TSHZ3: variants seen among roughly 807,000 people sequenced by gnomAD.
The protein encoded by TSHZ3 is teashirt homolog 3.
Under a neutral mutation model 64.5 loss-of-function variants are expected in TSHZ3, and 10 were observed. The observed-to-expected ratio is 0.16, with a 90% CI of 0.10 to 0.26. The LOEUF is 0.26. Among genes scored for constraint, TSHZ3 ranks in the 10% least tolerant of loss-of-function variants. The pLI is 1.00. For synonymous variants in TSHZ3, 608 were observed against 593.1 expected (o/e 1.03, Z -0.36); for missense variants, 1,242 against 1,421.7 (o/e 0.87, Z 2.03).
intron 5 of TSHZ3, among the ~76,000 whole-genome samples, chr19:31,199,114 A>C (rs986505383): frequency 2.0e-5 from 3 of 152,126 alleles, no homozygotes; most frequent in African/African-American, 7.2e-5. Context: ...ACCTATAAGA[A>C]TATAGTCAGG....
At chr19:31,164,234 G>A (rs1252539693) in intron 5 of TSHZ3, among the ~76,000 whole-genome samples, 1 of 152,076 alleles carries the variant, frequency 6.6e-6, no homozygotes, top group African/African-American at 2.4e-5. Flanking sequence ...CCAGAACATC[G>A]CACTATTGCC....
chr19:31,344,216 C>G (rs985740657), intron 1 of TSHZ3, among the ~76,000 whole-genome samples: 8 of 152,098 alleles, frequency 5.3e-5, no homozygotes, highest in African/African-American at 1.9e-4. Context: ...GAGTGAACAC[C>G]TGCAAGGGTT....
chr19:31,173,143 G>A (rs1187318210), intron 5 of TSHZ3, among the ~76,000 whole-genome samples: 3 of 152,198 alleles, frequency 2.0e-5, no homozygotes, highest in Non-Finnish European at 4.4e-5. Context: ...TTGGGATGGG[G>A]CACACATAGC....
At chr19:31,337,220 A>C (rs1463583944) in intron 1 of TSHZ3, among the ~76,000 whole-genome samples, 1 of 152,108 alleles carries the variant, frequency 6.6e-6, no homozygotes, top group Non-Finnish European at 1.5e-5. Context: ...CCCGGGTGTG[A>C]TGGATGAGCC....
At chr19:31,157,605 T>C (rs1478996599) in intron 5 of TSHZ3, among the ~76,000 whole-genome samples, 1 of 152,174 alleles carries the variant, frequency 6.6e-6, no homozygotes, top group Non-Finnish European at 1.5e-5. Flanking sequence ...GATTATAACA[T>C]AAAATGCCAT....
At chr19:31,246,332 A>G (rs1295328079) in intron 1 of TSHZ3, among the ~76,000 whole-genome samples, 2 of 152,240 alleles carry the variant, frequency 1.3e-5, no homozygotes, top group East Asian at 3.8e-4. Flanking sequence ...TCTTACCTGT[A>G]TTTAAAATCA....
At chr19:31,185,002 G>A (rs1250388364) in intron 5 of TSHZ3, among the ~76,000 whole-genome samples, 1 of 152,056 alleles carries the variant, frequency 6.6e-6, no homozygotes, top group Non-Finnish European at 1.5e-5. Flanking sequence ...AGAGCAGGGT[G>A]AGCCTCAGAA....
intron 1 of TSHZ3, among the ~76,000 whole-genome samples, chr19:31,325,218 G>A (rs527786033): frequency 7.2e-5 from 11 of 152,294 alleles, no homozygotes; most frequent in African/African-American, 2.6e-4. Flanking sequence ...CGGCCACAGA[G>A]CCAGGCTTTA....
intron 1 of TSHZ3, among the ~76,000 whole-genome samples, chr19:31,281,620 C>T (rs1266386066): frequency 6.6e-6 from 1 of 152,228 alleles, no homozygotes; most frequent in Non-Finnish European, 1.5e-5. Context: ...CAAATAAAGA[C>T]AGCAAAAGCT....
chr19:31,322,640 G>T (rs1041215691), intron 1 of TSHZ3, among the ~76,000 whole-genome samples: 1 of 150,166 alleles, frequency 6.7e-6, no homozygotes, highest in African/African-American at 2.5e-5. Context: ...GGCTGGTCTC[G>T]AACTGCTAGC....
chr19:31,194,381 C>T (rs1376740612), intron 5 of TSHZ3, among the ~76,000 whole-genome samples: 1 of 152,192 alleles, frequency 6.6e-6, no homozygotes, highest in Non-Finnish European at 1.5e-5. Flanking sequence ...TTAGGAGAAA[C>T]TATTCAACCA....
At chr19:31,225,348 C>T (rs1975445598) in intron 4 of TSHZ3, among the ~76,000 whole-genome samples, 1 of 152,132 alleles carries the variant, frequency 6.6e-6, no homozygotes, top group Non-Finnish European at 1.5e-5. Flanking sequence ...TATATTTCCC[C>T]CAGCCTTGGC....
chr19:31,277,168 G>C lies in TSHZ3; in HGVS notation c.2625C>G (p.Asp875Glu). The C allele has an allele frequency of 6.2e-7, 1 of 1,613,968 alleles. No individual in the cohort carries two copies. Among genetic ancestry groups the C allele is most frequent in the Non-Finnish European group, 8.5e-7 (1 of 1,179,918 alleles). ...CCTCAGCCTCCTCCAGAGTGGCCCC[G>C]TCAATGTCAGACTTCTCGGAGATGC... The part of the protein sequence containing the change: ...PSSISEKSDI[D>E]GATLEEAEES... The change falls in exon 2 of 2, where the codon GAC becomes GAG. Residue 875 changes from aspartate (D) to glutamate (E), a missense_variant. Physicochemically the swap from Asp to Glu is conservative, Grantham distance 45. Transcript: ENST00000240587. This position sits in a 1 kb window ranked among gnomAD's most constrained non-coding sequence, Gnocchi z 4.5.
intron 5 of TSHZ3, among the ~76,000 whole-genome samples, chr19:31,157,660 C>T (rs1383290351): frequency 6.6e-6 from 1 of 152,098 alleles, no homozygotes; most frequent in African/African-American, 2.4e-5. Flanking sequence ...TGGCTATATA[C>T]CTAAGTACAG....
Position 31,278,444 on chromosome 19 carries a change from G to C in TSHZ3, c.1349C>G (p.Thr450Ser). 6.2e-7 allele frequency: 1 copy of C among 1,614,180 alleles called. No individual in the cohort carries two copies. Among genetic ancestry groups the C allele is most frequent in the East Asian group, 2.2e-5 (1 of 44,850 alleles). Residue 450 changes from threonine (T) to serine (S), a missense_variant, in exon 2 of 2, where the codon ACC (threonine) becomes AGC (serine). Thr to Ser is a moderately conservative substitution (Grantham distance 58). This residue lies in a region of TSHZ3 where 555 missense variants were observed against 704.0 expected (regional missense o/e 0.79). Coordinates refer to ENST00000240587, the MANE Select transcript of TSHZ3 (RefSeq NM_020856.4). The surrounding 1 kb of genome is among the most constrained non-coding windows in gnomAD (Gnocchi z 4.7). ...TGTATTGGAGGGGGACGTGAAGGTG[G>C]TGGCTGCCAGGGGCACGGACTGGAC... Reference protein sequence around the residue: ...EKVQSVPLAATTFTSPSNTPA... With the variant: ...EKVQSVPLAASTFTSPSNTPA...
At chr19:31,153,696 G>A (rs775153558) in intron 6 of TSHZ3, among the ~76,000 whole-genome samples, 1 of 152,112 alleles carries the variant, frequency 6.6e-6, no homozygotes, top group Non-Finnish European at 1.5e-5. Flanking sequence ...TGGTAATGCG[G>A]GCCTAAAACA....
intron 1 of TSHZ3, among the ~76,000 whole-genome samples, chr19:31,348,617 A>G (rs956666933): frequency 1.3e-5 from 2 of 152,192 alleles, no homozygotes; most frequent in African/African-American, 4.8e-5. Context: ...AGCATCTAAC[A>G]TGGACTTGAC....
intron 4 of TSHZ3, among the ~76,000 whole-genome samples, chr19:31,210,696 C>G (rs1377613423): frequency 2.0e-5 from 3 of 152,138 alleles, no homozygotes; most frequent in Non-Finnish European, 4.4e-5. Context: ...CAGGAACCCA[C>G]GCGTACCACC....
At chr19:31,172,377 G>A (rs548718308) in intron 5 of TSHZ3, among the ~76,000 whole-genome samples, 25 of 152,294 alleles carry the variant, frequency 1.6e-4, no homozygotes, top group African/African-American at 5.5e-4. Context: ...TTGTCCCACT[G>A]CAAACATTCC....
Sources: allele counts gnomAD v4.1 joint callset (sites outside exome capture counted in the v4.1 genomes callset), GRCh38; gene constraint gnomAD v4.1.1; regional missense constraint gnomAD v4.1.1; non-coding constraint Gnocchi (gnomAD v3.1); transcripts MANE v1.5; gene names NCBI Gene and HGNC (gene_info 2026-07-23, HGNC 2026-07-21).